Variants in NRF1 observed in about 807,000 individuals in gnomAD.
The protein encoded by NRF1 is nuclear respiratory factor 1.
Under a neutral mutation model 58.5 loss-of-function variants are expected in NRF1, and 5 were observed. That is an observed-to-expected ratio of 0.09 (90% CI 0.04 to 0.18). The LOEUF is 0.18. Ranked by LOEUF, NRF1 falls within the 10% of genes least tolerant of loss-of-function variation. The probability of loss-of-function intolerance (pLI) is 1.00; values close to 1 mark genes in which losing one functional copy is unlikely to be tolerated. For synonymous variants in NRF1, 224 were observed against 246.7 expected, an observed-to-expected ratio of 0.91 and a Z score of 0.86; for missense variants, 288 against 657.7, an observed-to-expected ratio of 0.44 and a Z score of 6.15.
intron 10 of NRF1, among the ~76,000 whole-genome samples, chr7:129,752,184 C>CT (rs1804134050): frequency 6.6e-6 from 1 of 152,212 alleles, no homozygotes; most frequent in Non-Finnish European, 1.5e-5. Context: ...GTCCCTGGGC[C>CT]TCCTGTGAAT....
chr7:129,614,624 A>G (rs955389182), intron 1 of NRF1, among the ~76,000 whole-genome samples: 1 of 152,186 alleles, frequency 6.6e-6, no homozygotes, highest in South Asian at 2.1e-4. Context: ...CAGTGGCTTC[A>G]TAACATGTTT....
intron 2 of NRF1, among the ~76,000 whole-genome samples, chr7:129,669,507 A>G (rs926512784): frequency 1.3e-5 from 2 of 152,210 alleles, no homozygotes; most frequent in African/African-American, 4.8e-5. Flanking sequence ...AGATGTTAAA[A>G]TTCAACTTTG....
At chr7:129,669,737 G>A (rs763667986) in intron 2 of NRF1, among the ~76,000 whole-genome samples, 3 of 152,192 alleles carry the variant, frequency 2.0e-5, no homozygotes, top group African/African-American at 7.2e-5. Flanking sequence ...TATACTATAG[G>A]TGGGAATGTA....
intron 2 of NRF1, among the ~76,000 whole-genome samples, chr7:129,660,131 T>G (rs1205277435): frequency 6.6e-6 from 1 of 152,140 alleles, no homozygotes; most frequent in Non-Finnish European, 1.5e-5. Context: ...TCAGATCTTG[T>G]GAGACTTATT....
At chr7:129,652,357 A>G (rs1403549982) in intron 1 of NRF1, among the ~76,000 whole-genome samples, 1 of 152,182 alleles carries the variant, frequency 6.6e-6, no homozygotes, top group Non-Finnish European at 1.5e-5. Flanking sequence ...GGTTTGTATT[A>G]ATACAAGTAG....
At chr7:129,724,009 G>C (rs1486524011) in intron 9 of NRF1, among the ~76,000 whole-genome samples, 2 of 152,222 alleles carry the variant, frequency 1.3e-5, no homozygotes, top group African/African-American at 4.8e-5. Flanking sequence ...GGATTTGCCA[G>C]TAATTTCTTG....
chr7:129,737,278 A>G (rs116791821), intron 10 of NRF1, among the ~76,000 whole-genome samples: 203 of 152,350 alleles, frequency 1.3e-3, no homozygotes, highest in African/African-American at 4.7e-3. Flanking sequence ...ACAAGGTGAC[A>G]TTGTTTAAAG....
At chr7:129,724,227 G>A (rs1372833887) in intron 9 of NRF1, among the ~76,000 whole-genome samples, 1 of 152,164 alleles carries the variant, frequency 6.6e-6, no homozygotes, top group Non-Finnish European at 1.5e-5. Flanking sequence ...AATGGGCAAA[G>A]GTCTTGAATA....
chr7:129,654,355 G>A (rs902959254), intron 1 of NRF1, among the ~76,000 whole-genome samples: 1 of 151,840 alleles, frequency 6.6e-6, no homozygotes, highest in Non-Finnish European at 1.5e-5. Flanking sequence ...TCCTTATTTT[G>A]GATAACAATC....
At chr7:129,678,261 C>G (rs1193467907) in intron 4 of NRF1, among the ~76,000 whole-genome samples, 2 of 152,046 alleles carry the variant, frequency 1.3e-5, no homozygotes, top group Non-Finnish European at 2.9e-5. Context: ...CTATCCAGAG[C>G]TAATTTTATA....
At chr7:129,660,668 G>A (rs996234436) in intron 2 of NRF1, among the ~76,000 whole-genome samples, 2 of 150,840 alleles carry the variant, frequency 1.3e-5, no homozygotes, top group African/African-American at 2.5e-5. Context: ...GGGTCCCATG[G>A]TCTTGGACAG....
Position 129,719,543 on chromosome 7 carries a change from C to CACACACACAA in NRF1, c.1223+2168_1223+2169insCACACACAAA, listed in dbSNP as rs1255895761. ...ACACACACACACACACACACACACA[C>CACACACACAA]AACACATCTTCTCAGAGTTACCTAG... On this transcript the variant is annotated intron_variant, in intron 9 of 10. Coordinates refer to ENST00000393232, the MANE Select transcript of NRF1 (RefSeq NM_005011.5). 1.6e-3 allele frequency among the ~76,000 whole-genome samples: 224 copies of CACACACACAA among 142,164 alleles called. 3 individuals are homozygous for CACACACACAA. The highest frequency in any genetic ancestry group is 5.4e-3 in the African/African-American group (202 of 37,754). The allele number at this position is 142,164 out of a possible 152,430, so 93.3% of individuals were successfully genotyped here.
intron 8 of NRF1, 29 bp from the exon 9 acceptor site, chr7:129,717,190 T>G (rs766270472): frequency 1.3e-6 from 2 of 1,552,968 alleles, no homozygotes; most frequent in South Asian, 2.4e-5. Flanking sequence ...TGGCTTTGTT[T>G]TTTTACTATC....
Position 129,615,451 on chromosome 7 carries a change from T to G in NRF1, c.-7+3627T>G, listed in dbSNP as rs186147292. Among the ~76,000 whole-genome samples the G allele has an allele frequency of 3.2e-4, 49 of 152,350 alleles. No homozygotes were observed. In the East Asian group the frequency reaches 8.7e-3, roughly 27 times the overall value. ...TGTGATGCTTATTAATATGTATATA[T>G]AGAGTATTTGGAAAATCAATCTTAA... On this transcript the variant is annotated intron_variant, in intron 1 of 10. Transcript: ENST00000393232.
intron 1 of NRF1, among the ~76,000 whole-genome samples, chr7:129,623,053 A>G (rs867121547): frequency 6.6e-6 from 1 of 152,226 alleles, no homozygotes; most frequent in African/African-American, 2.4e-5. Flanking sequence ...TTACCATTTC[A>G]TACTCTTTAT....
intron 1 of NRF1, among the ~76,000 whole-genome samples, chr7:129,656,963 A>C (rs1801671376): frequency 6.6e-6 from 1 of 152,218 alleles, no homozygotes; most frequent in African/African-American, 2.4e-5. Flanking sequence ...TACAAAGAAA[A>C]TGTTAAGTAT....
intron 5 of NRF1, among the ~76,000 whole-genome samples, chr7:129,707,552 A>G (rs1162580039): frequency 1.3e-5 from 2 of 152,220 alleles, no homozygotes; most frequent in Non-Finnish European, 2.9e-5. Flanking sequence ...AGAAAAAGAC[A>G]CACTCCCAAG....
At chr7:129,637,369 A>T (rs1489548256) in intron 1 of NRF1, among the ~76,000 whole-genome samples, 1 of 152,136 alleles carries the variant, frequency 6.6e-6, no homozygotes, top group East Asian at 1.9e-4. Flanking sequence ...CCCTGATTTC[A>T]TGAGTTTGGA....
At chr7:129,632,869 G>T (rs969132231) in intron 1 of NRF1, among the ~76,000 whole-genome samples, 29 of 152,090 alleles carry the variant, frequency 1.9e-4, no homozygotes, top group African/African-American at 7.0e-4. Flanking sequence ...TTGTAGCCCA[G>T]CTATCCAGAG....
Sources: gnomAD v4.1 joint callset for allele counts (sites outside exome capture counted in the v4.1 genomes callset) on GRCh38, gnomAD v4.1.1 for gene constraint, MANE v1.5 for transcripts, NCBI Gene and HGNC (gene_info 2026-07-23, HGNC 2026-07-21) for gene names.